Variants in ELP4 observed in about 807,000 individuals in gnomAD.
ELP4 encodes elongator acetyltransferase complex subunit 4.
A neutral mutation model predicts 48.9 loss-of-function variants in ELP4; 51 were observed. That is an observed-to-expected ratio of 1.04 (90% CI 0.83 to 1.32). The LOEUF is 1.32. Among genes scored for constraint, ELP4 ranks in the 40% most tolerant of loss-of-function variants. ELP4 has a pLI of 0.00. For missense variants in ELP4, 519 were observed against 514.6 expected (o/e 1.01, Z -0.08); for synonymous variants, 210 against 189.2 (o/e 1.11, Z -0.90).
intron 3 of ELP4, among the ~76,000 whole-genome samples, chr11:31,574,293 T>C (rs1957232459): frequency 1.3e-5 from 2 of 152,116 alleles, no homozygotes; most frequent in African/African-American, 4.8e-5. Context: ...CCAGGAAGCT[T>C]GAGCTGAGTG....
At chr11:31,695,091 G>A (rs527302037) in intron 9 of ELP4, among the ~76,000 whole-genome samples, 1 of 152,284 alleles carries the variant, frequency 6.6e-6, no homozygotes, top group Non-Finnish European at 1.5e-5. Flanking sequence ...ATACAATCAT[G>A]TCATCTGCAA....
At chr11:31,542,837 A>G (rs1352731669) in intron 3 of ELP4, among the ~76,000 whole-genome samples, 2 of 152,216 alleles carry the variant, frequency 1.3e-5, no homozygotes, top group African/African-American at 4.8e-5. Context: ...ATTAAAACAA[A>G]AAAGAAATGA....
At chr11:31,727,866 G>A (rs770625825) in intron 9 of ELP4, 4 of 152,098 alleles carry the variant, frequency 2.6e-5, no homozygotes, top group Admixed American at 6.6e-5. Context: ...ATAGCATCAA[G>A]CATTCAGAAT....
chr11:31,739,466 C>G (rs1345979470), intron 9 of ELP4, among the ~76,000 whole-genome samples: 1 of 152,048 alleles, frequency 6.6e-6, no homozygotes, highest in African/African-American at 2.4e-5. Flanking sequence ...AATTTGTTTC[C>G]TTGACATGTA....
chr11:31,583,791 A>G (rs907242060), intron 3 of ELP4, among the ~76,000 whole-genome samples: 1 of 152,238 alleles, frequency 6.6e-6, no homozygotes, highest in African/African-American at 2.4e-5. Context: ...TTTCTATTCT[A>G]GAACTGACCA....
chr11:31,720,758 A>G (rs998968981), intron 9 of ELP4, among the ~76,000 whole-genome samples: 1 of 152,194 alleles, frequency 6.6e-6, no homozygotes, highest in East Asian at 1.9e-4. Flanking sequence ...GCTCTCAAGA[A>G]ACATGAACAG....
intron 9 of ELP4, among the ~76,000 whole-genome samples, chr11:31,726,658 GA>G (rs796754577): frequency 4.9e-5 from 7 of 143,408 alleles, no homozygotes; most frequent in South Asian, 2.2e-4. Context: ...TGGCCAAAAA[GA>G]AAAAAAAAAG....
intron 3 of ELP4, among the ~76,000 whole-genome samples, chr11:31,550,103 C>T (rs1956817838): frequency 1.3e-5 from 2 of 151,218 alleles, no homozygotes; most frequent in South Asian, 4.2e-4. Flanking sequence ...GCACATTGTG[C>T]ACATGTACCC....
At position 31,539,712 on chromosome 11, in the gene ELP4, G is replaced by A; in HGVS notation, c.310G>A (p.Ala104Thr). The change falls in exon 3 of 10, where the codon GCA (alanine) becomes ACA (threonine). Residue 104 changes from alanine to threonine, a missense_variant. By Grantham distance (58) the Ala-to-Thr change is moderately conservative (BLOSUM62 0). Coordinates refer to ENST00000640961, the MANE Select transcript of ELP4 (RefSeq NM_019040.5). ...YSPLLFKYFL[A>T]EGIVNGHTLL... ...ACCTTTGCTCTTCAAGTATTTCCTG[G>A]CAGAAGGAATTGTCAATGGGCATAC... 1 of 1,610,418 alleles carries A rather than the reference G, an allele frequency of 6.2e-7. No individual in the cohort carries two copies. Among genetic ancestry groups the A allele is most frequent in the Non-Finnish European group, 8.5e-7 (1 of 1,178,212 alleles).
At chr11:31,567,941 G>A (rs1181654392) in intron 3 of ELP4, among the ~76,000 whole-genome samples, 1 of 152,152 alleles carries the variant, frequency 6.6e-6, no homozygotes, top group African/African-American at 2.4e-5. Flanking sequence ...TTTCTGAGAA[G>A]AAGGCAACAA....
intron 9 of ELP4, among the ~76,000 whole-genome samples, chr11:31,661,143 C>T (rs577345860): frequency 6.6e-6 from 1 of 152,064 alleles, no homozygotes; most frequent in East Asian, 1.9e-4. Flanking sequence ...CATACACACA[C>T]CCCCTTAATA....
chr11:31,732,330 G>A (rs1947209082), intron 9 of ELP4, among the ~76,000 whole-genome samples: 2 of 152,018 alleles, frequency 1.3e-5, no homozygotes, highest in African/African-American at 2.4e-5. Flanking sequence ...GTTTTTGTAT[G>A]CACTTGAAGT....
chr11:31,528,551 C>G (rs1156438865), intron 2 of ELP4, among the ~76,000 whole-genome samples: 2 of 152,078 alleles, frequency 1.3e-5, no homozygotes, highest in Non-Finnish European at 2.9e-5. Context: ...TTAGACTGCT[C>G]TGATATGAAA....
chr11:31,769,427 A>G (rs1948096379), intron 9 of ELP4, among the ~76,000 whole-genome samples: 1 of 152,222 alleles, frequency 6.6e-6, no homozygotes, highest in Admixed American at 6.5e-5. Context: ...GAAAGCTGCC[A>G]AATTTGAAAG....
In ELP4 at chr11:31,747,408, G is replaced by A. The variant is rs558707640; in HGVS notation, c.1144-35985G>A. On this transcript the variant is annotated intron_variant, in intron 9 of 9. Coordinates refer to ENST00000640961, the MANE Select transcript of ELP4 (RefSeq NM_019040.5). ...GAAGTAGACTATAGAACCATAAAGTGTGGAGAGGGGAGGGTGGAGGGGAAG... is the reference window on the plus strand; with the variant it reads ...GAAGTAGACTATAGAACCATAAAGTATGGAGAGGGGAGGGTGGAGGGGAAG... Among the ~76,000 whole-genome samples the A allele has an allele frequency of 3.3e-5, 5 of 152,256 alleles. No individual in the cohort carries two copies. In the Middle Eastern group the frequency reaches 0.017, roughly 518 times the overall value.
intron 1 of ELP4, 55 bp downstream of exon 1, chr11:31,510,062 C>T: frequency 1.2e-5 from 18 of 1,545,826 alleles, no homozygotes; most frequent in Non-Finnish European, 1.6e-5. Flanking sequence ...GGGAGGGGAC[C>T]TGTCGGGGAA....
intron 9 of ELP4, among the ~76,000 whole-genome samples, chr11:31,746,463 C>T (rs1192571961): frequency 6.6e-6 from 1 of 152,112 alleles, no homozygotes; most frequent in African/African-American, 2.4e-5. Flanking sequence ...TCACTATTCA[C>T]AATAGCAAAT....
chr11:31,545,493 C>T (rs1326218944), intron 3 of ELP4, among the ~76,000 whole-genome samples: 1 of 151,640 alleles, frequency 6.6e-6, no homozygotes, highest in African/African-American at 2.4e-5. Context: ...GTGAAAAGAC[C>T]AAATCTACGT....
At chr11:31,675,722 C>T (rs531742933) in intron 9 of ELP4, among the ~76,000 whole-genome samples, 1 of 152,162 alleles carries the variant, frequency 6.6e-6, no homozygotes, top group Admixed American at 6.5e-5. Context: ...CCTCTAAAAA[C>T]TCTATAGTTA....
Sources: allele counts gnomAD v4.1 joint callset (sites outside exome capture counted in the v4.1 genomes callset), GRCh38; gene constraint gnomAD v4.1.1; transcripts MANE v1.5; gene names NCBI Gene and HGNC (gene_info 2026-07-23, HGNC 2026-07-21).